The following CSPP1 variants were observed in gnomAD, a reference collection of about 807,000 sequenced individuals.
CSPP1 encodes centrosome and spindle pole-associated protein 1.
Under a neutral mutation model 164.4 loss-of-function variants are expected in CSPP1, and 126 were observed. That is an observed-to-expected ratio of 0.77 (90% CI 0.66 to 0.89). The LOEUF is 0.89. CSPP1 is among the 40% of genes least tolerant of loss of function. The pLI is 0.00. For synonymous variants in CSPP1, 472 were observed against 476.7 expected (o/e 0.99, Z 0.13); for missense variants, 1,395 against 1,449.8 (o/e 0.96, Z 0.61).
At chr8:67,116,146 T>C in intron 13 of CSPP1, 24 bp downstream of exon 13, 1 of 1,552,188 alleles carries the variant, frequency 6.4e-7, no homozygotes, top group Non-Finnish European at 8.9e-7. Context: ...TGTTTTGTGT[T>C]TGGGAATTAG....
At chr8:67,074,470 T>A in intron 2 of CSPP1, 119 bp downstream of exon 2, 2 of 577,214 alleles carry the variant, frequency 3.5e-6, no homozygotes, top group Non-Finnish European at 5.9e-6. Flanking sequence ...TAGTATGCTG[T>A]CATTCTAGGA....
At chr8:67,104,526 G>A (rs1053078044) in intron 8 of CSPP1, among the ~76,000 whole-genome samples, 42 of 152,014 alleles carry the variant, frequency 2.8e-4, no homozygotes, top group African/African-American at 9.9e-4. Flanking sequence ...ATGAGCCATT[G>A]CGCATGGCCA....
rs1384527418 is a variant in CSPP1, at chr8:67,066,820, ACT to A, written c.-11+2285_-11+2286del. Among the ~76,000 whole-genome samples, 3 of 151,916 alleles carry A rather than the reference ACT, an allele frequency of 2.0e-5. No homozygotes were observed. The East Asian group carries it at 5.8e-4, about 29-fold the overall frequency. On this transcript the variant is annotated intron_variant, in intron 1 of 30. Coordinates refer to ENST00000678616, the MANE Select transcript of CSPP1 (RefSeq NM_001382391.1). ...TGTTTGTTTTTTGAGACAGAGTCTC[ACT>A]CTGTTACCCATGCTGGAGTGCAGTG...
intron 7 of CSPP1, among the ~76,000 whole-genome samples, chr8:67,101,093 G>A (rs1814000365): frequency 6.6e-6 from 1 of 152,160 alleles, no homozygotes; most frequent in South Asian, 2.1e-4. Context: ...TGTCACACAG[G>A]AGATGCTTAA....
At chr8:67,104,600 T>G (rs1351416969) in intron 8 of CSPP1, among the ~76,000 whole-genome samples, 2 of 151,296 alleles carry the variant, frequency 1.3e-5, no homozygotes, top group African/African-American at 4.9e-5. Context: ...TTCTTTTCCT[T>G]TTTTTTTATT....
intron 28 of CSPP1, among the ~76,000 whole-genome samples, chr8:67,180,871 T>G (rs1586798098): frequency 6.6e-6 from 1 of 152,122 alleles, no homozygotes; most frequent in South Asian, 2.1e-4. Context: ...TTTTTTAAAG[T>G]AGTATACACT....
chr8:67,179,677 C>T (rs974570873), intron 27 of CSPP1, among the ~76,000 whole-genome samples, 186 bp from the exon 28 acceptor site: 2 of 152,116 alleles, frequency 1.3e-5, no homozygotes, highest in Non-Finnish European at 2.9e-5. Flanking sequence ...TCACCGTCTT[C>T]GTAGGAATTG....
chr8:67,072,882 A>G (rs919976045), intron 1 of CSPP1, among the ~76,000 whole-genome samples: 2 of 151,652 alleles, frequency 1.3e-5, no homozygotes, highest in Admixed American at 1.3e-4. Flanking sequence ...AAAAAAAAAA[A>G]AAAAAAAAGA....
chr8:67,123,730 ATC>A (rs746333595), intron 15 of CSPP1, among the ~76,000 whole-genome samples: 2 of 150,658 alleles, frequency 1.3e-5, no homozygotes, highest in East Asian at 3.9e-4. Context: ...TTCCACTCCA[ATC>A]TCTCAAGGAG....
At chr8:67,121,786 G>A (rs1019717134) in intron 15 of CSPP1, among the ~76,000 whole-genome samples, 1 of 151,978 alleles carries the variant, frequency 6.6e-6, no homozygotes, top group African/African-American at 2.4e-5. Context: ...TAAGGTACAG[G>A]GCTTTTCTTT....
Position 67,103,072 on chromosome 8 carries a change from T to C in CSPP1, c.959T>C (p.Met320Thr), listed in dbSNP as rs1313170509. Reference sequence around the variant, plus strand: ...AACAAACGAGGGAATATGCCTCCTATGGAACATGATGGGGATGTTATAGAA... The same window carrying C: ...AACAAACGAGGGAATATGCCTCCTACGGAACATGATGGGGATGTTATAGAA... ...HRNKRGNMPPMEHDGDVIEQS... is the reference protein window; with the variant it reads ...HRNKRGNMPPTEHDGDVIEQS... Residue 320 changes from methionine to threonine, a missense_variant, in exon 8 of 31, where the codon ATG (methionine) becomes ACG (threonine). By Grantham distance (81) the Met-to-Thr change is moderately conservative. Coordinates refer to ENST00000678616, the MANE Select transcript of CSPP1 (RefSeq NM_001382391.1). 1.9e-6 allele frequency: 3 copies of C among 1,611,882 alleles called. No homozygotes were observed. Among genetic ancestry groups the C allele is most frequent in the Non-Finnish European group, 2.5e-6 (3 of 1,178,082 alleles).
intron 17 of CSPP1, among the ~76,000 whole-genome samples, chr8:67,146,911 C>T (rs1029986639): frequency 7.2e-5 from 11 of 152,098 alleles, no homozygotes; most frequent in Non-Finnish European, 1.0e-4. Context: ...TTTTAATTTT[C>T]GTTTTTTAGC....
At chr8:67,112,579 C>T (rs948329266) in intron 10 of CSPP1, among the ~76,000 whole-genome samples, 7 of 152,090 alleles carry the variant, frequency 4.6e-5, no homozygotes, top group African/African-American at 1.4e-4. Context: ...ATTCCTTGTC[C>T]TCTCGTATTC....
intron 24 of CSPP1, among the ~76,000 whole-genome samples, chr8:67,169,718 G>C (rs1235503147): frequency 1.3e-5 from 2 of 152,032 alleles, no homozygotes; most frequent in Non-Finnish European, 2.9e-5. Context: ...GGGATTACAG[G>C]TGTGAGCCAC....
intron 15 of CSPP1, among the ~76,000 whole-genome samples, chr8:67,128,865 C>G (rs926918459): frequency 6.6e-6 from 1 of 152,096 alleles, no homozygotes; most frequent in Admixed American, 6.5e-5. Context: ...TGGTTTGAAT[C>G]CTGCTTTTAC....
chr8:67,193,418 A>C (rs1010247226), intron 29 of CSPP1, 46 bp from the exon 30 acceptor site: 1 of 1,569,538 alleles, frequency 6.4e-7, no homozygotes, highest in African/African-American at 1.4e-5. Context: ...ATTTGTGAAC[A>C]TATTTTGTGT....
At chr8:67,122,190 ATT>A (rs58782272) in intron 15 of CSPP1, among the ~76,000 whole-genome samples, 1 of 142,962 alleles carries the variant, frequency 7.0e-6, no homozygotes, top group Non-Finnish European at 1.5e-5. Flanking sequence ...GGTTTGGTTG[ATT>A]TTTTTTTTTT....
Position 67,163,723 on chromosome 8 carries a change from G to A in CSPP1, c.2644-9G>A. 2 of 1,607,994 alleles carry A rather than the reference G, an allele frequency of 1.2e-6. No homozygotes were observed. The highest frequency in any genetic ancestry group is 1.7e-6 in the Non-Finnish European group (2 of 1,175,790). ...TACTGAACATGTCTTTGTCATTATTGTTGAACAGGAAAGTTCCATGTCCAG... is the reference window on the plus strand; with the variant it reads ...TACTGAACATGTCTTTGTCATTATTATTGAACAGGAAAGTTCCATGTCCAG... On this transcript the variant is annotated splice_polypyrimidine_tract_variant and intron_variant, in intron 22 of 30. Transcript: ENST00000678616.
intron 21 of CSPP1, among the ~76,000 whole-genome samples, chr8:67,159,904 CT>C (rs761610470): frequency 1.0e-4 from 7 of 66,864 alleles, no homozygotes; most frequent in Admixed American, 4.9e-4. Flanking sequence ...TTCTTTCTTT[CT>C]TTCTTTCTTT....
Sources: gnomAD v4.1 joint callset for allele counts (sites outside exome capture counted in the v4.1 genomes callset) on GRCh38, gnomAD v4.1.1 for gene constraint, MANE v1.5 for transcripts, NCBI Gene and HGNC (gene_info 2026-07-23, HGNC 2026-07-21) for gene names.